CUTC: variants seen among roughly 807,000 people sequenced by gnomAD.
CUTC encodes copper homeostasis protein cutC homolog.
Under a neutral mutation model 36.2 loss-of-function variants are expected in CUTC, and 27 were observed. The observed-to-expected ratio is 0.75, with a 90% confidence interval of 0.55 to 1.03. CUTC has a LOEUF of 1.03. CUTC is among the 50% of genes least tolerant of loss of function. The pLI, the probability that CUTC is intolerant of heterozygous loss-of-function variation, is 0.00. For missense variants in CUTC, 315 were observed against 343.5 expected (o/e 0.92, Z 0.66); for synonymous variants, 114 against 118.3 (o/e 0.96, Z 0.24).
rs200799941 is a variant in CUTC, at chr10:99,734,355, C to T, written c.62-1891C>T. On this transcript the variant is annotated intron_variant, in intron 1 of 8. Transcript: ENST00000370476. ...GTACTGGGATTACAGGCGTGAGCCACCGCGCCGGACAGGGACTGATAGTCT... is the reference window on the plus strand; with the variant it reads ...GTACTGGGATTACAGGCGTGAGCCATCGCGCCGGACAGGGACTGATAGTCT... Among the ~76,000 whole-genome samples, 744 of 152,300 alleles carry T rather than the reference C, an allele frequency of 4.9e-3. 4 individuals are homozygous for T. The highest frequency in any genetic ancestry group is 8.0e-3 in the Non-Finnish European group (541 of 68,018).
intron 7 of CUTC, among the ~76,000 whole-genome samples, chr10:99,751,853 G>A (rs897010061): frequency 5.3e-5 from 8 of 152,160 alleles, no homozygotes; most frequent in African/African-American, 9.7e-5. Context: ...GCAAGACTCC[G>A]TCTCAAAATA....
chr10:99,743,104 T>C (rs1347194382), intron 3 of CUTC, 49 bp from the exon 4 acceptor site: 2 of 1,566,910 alleles, frequency 1.3e-6, no homozygotes, highest in Admixed American at 1.7e-5. Flanking sequence ...TAATATATCA[T>C]TGGCTTTTAG....
chr10:99,745,519 A>T (rs998406308), intron 5 of CUTC, among the ~76,000 whole-genome samples: 3 of 152,188 alleles, frequency 2.0e-5, no homozygotes, highest in African/African-American at 7.2e-5. Context: ...GTTTCCTGAT[A>T]CCACTTTACT....
chr10:99,732,662 T>C, intron 1 of CUTC: 1 of 1,371,260 alleles, frequency 7.3e-7, no homozygotes. Flanking sequence ...CCCTGCGACC[T>C]TGTGCAAGTT....
At chr10:99,744,101 T>G in intron 5 of CUTC, 29 bp downstream of exon 5, 1 of 1,589,116 alleles carries the variant, frequency 6.3e-7, no homozygotes, top group Non-Finnish European at 8.6e-7. Flanking sequence ...AAAAGTTCTA[T>G]TGAACAGTGT....
In CUTC at chr10:99,754,617, C is replaced by T. The variant is rs2133681936; in HGVS notation, c.690C>T (p.Asp230=). The part of the protein sequence containing the change: ...EFHCSARSTR[D]SGMKFRNSSV... ...ACTGTTCTGCTCGGTCTACTAGAGA[C>T]TCGGGAATGAAGTTTCGGTAAAAAT... Residue 230 remains aspartate (D), a synonymous_variant, in exon 8 of 9, where the codon GAC becomes GAT. Transcript: ENST00000370476. 1 of 1,610,516 alleles carries T rather than the reference C, an allele frequency of 6.2e-7. No individual in the cohort carries two copies. Among genetic ancestry groups the T allele is most frequent in the Non-Finnish European group, 8.5e-7 (1 of 1,177,520 alleles).
intron 5 of CUTC, 95 bp from the exon 6 acceptor site, chr10:99,747,162 C>G: frequency 4.4e-6 from 6 of 1,376,046 alleles, no homozygotes; most frequent in Non-Finnish European, 6.0e-6. Flanking sequence ...CCAGTACAAG[C>G]TAGGTCCAGC....
At chr10:99,752,151 CTAGA>C (rs1212836041) in intron 7 of CUTC, among the ~76,000 whole-genome samples, 1 of 152,054 alleles carries the variant, frequency 6.6e-6, no homozygotes, top group Non-Finnish European at 1.5e-5. Flanking sequence ...ATAGTGACAC[CTAGA>C]TAAAGAGTAA....
intron 2 of CUTC, 74 bp downstream of exon 2, chr10:99,736,391 C>A: frequency 9.1e-7 from 1 of 1,096,820 alleles, no homozygotes; most frequent in Non-Finnish European, 1.4e-6. Flanking sequence ...GTGTGCTTAT[C>A]TCAGAAGCCC....
At chr10:99,732,975 A>G (rs1445910936) in intron 1 of CUTC, among the ~76,000 whole-genome samples, 1 of 152,200 alleles carries the variant, frequency 6.6e-6, no homozygotes, top group Non-Finnish European at 1.5e-5. Context: ...GAACCTTCCT[A>G]AAAGTTATCA....
At chr10:99,740,449 G>A (rs1438967419) in intron 3 of CUTC, among the ~76,000 whole-genome samples, 1 of 150,846 alleles carries the variant, frequency 6.6e-6, no homozygotes, top group Non-Finnish European at 1.5e-5. Context: ...TTTTTTCTTT[G>A]AAGATGTTTT....
intron 7 of CUTC, among the ~76,000 whole-genome samples, chr10:99,753,847 TA>T (rs2037436602): frequency 1.3e-5 from 2 of 152,246 alleles, no homozygotes; most frequent in Non-Finnish European, 2.9e-5. Flanking sequence ...TACATAGTTT[TA>T]AAATATTGAG....
intron 5 of CUTC, among the ~76,000 whole-genome samples, chr10:99,744,830 TAC>T (rs1389830798): frequency 1.3e-5 from 2 of 152,220 alleles, no homozygotes; most frequent in Non-Finnish European, 2.9e-5. Context: ...TCCGGCTCAC[TAC>T]AACCTCTGCC....
chr10:99,742,845 A>G (rs2037350742), intron 3 of CUTC, among the ~76,000 whole-genome samples: 1 of 152,220 alleles, frequency 6.6e-6, no homozygotes, highest in Non-Finnish European at 1.5e-5. Context: ...ATCTTGGGGA[A>G]TAATGTACTG....
At chr10:99,741,862 G>A (rs566199799) in intron 3 of CUTC, among the ~76,000 whole-genome samples, 2 of 152,108 alleles carry the variant, frequency 1.3e-5, no homozygotes, top group Admixed American at 6.5e-5. Flanking sequence ...ATGAGCCACC[G>A]TACCAAGCCT....
chr10:99,740,990 G>A (rs892220249), intron 3 of CUTC, among the ~76,000 whole-genome samples: 5 of 152,160 alleles, frequency 3.3e-5, no homozygotes, highest in Non-Finnish European at 7.3e-5. Flanking sequence ...AGTTATGATA[G>A]CTGTTATAAT....
At chr10:99,750,342 C>T (rs2037406904) in intron 6 of CUTC, 27 bp from the exon 7 acceptor site, 3 of 1,536,502 alleles carry the variant, frequency 2.0e-6, no homozygotes, top group South Asian at 1.2e-5. Context: ...TATTAAAATT[C>T]ACTTGTTTTT....
Position 99,755,794 on chromosome 10 carries a change from G to T in CUTC, c.*55G>T, listed in dbSNP as rs2037453068. 1 of 1,156,894 alleles carries T rather than the reference G, an allele frequency of 8.6e-7. No individual in the cohort carries two copies. The highest frequency in any genetic ancestry group is 1.3e-5 in the South Asian group (1 of 78,642). The allele number at this position is 1,156,894 out of a possible 1,614,324, so 71.7% of individuals were successfully genotyped here. A position where few individuals can be genotyped will look rare whatever the true frequency, so the allele number is the denominator to read the frequency against. On this transcript the variant is annotated 3_prime_UTR_variant, in exon 9 of 9. Transcript: ENST00000370476. The stretch of plus-strand genomic sequence containing the variant: ...CAGGATGAAGGTAGAACTATAATCT[G>T]CAATTCTCTATGACACAGCTTTAAC...
At chr10:99,750,444 G>A in intron 7 of CUTC, 48 bp downstream of exon 7, 1 of 1,481,250 alleles carries the variant, frequency 6.8e-7, no homozygotes, top group Non-Finnish European at 9.2e-7. Flanking sequence ...AACTATAGTG[G>A]AGGAAGAGCA....
Sources: gnomAD v4.1 joint callset for allele counts (sites outside exome capture counted in the v4.1 genomes callset) on GRCh38, gnomAD v4.1.1 for gene constraint, MANE v1.5 for transcripts, NCBI Gene and HGNC (gene_info 2026-07-23, HGNC 2026-07-21) for gene names.